CAAP1: variants seen among roughly 807,000 people sequenced by gnomAD.
CAAP1 encodes the protein caspase activity and apoptosis inhibitor 1, also known as conserved anti-apoptotic protein.
Under a neutral mutation model 34.0 loss-of-function variants are expected in CAAP1, and 20 were observed. That is an observed-to-expected ratio of 0.59 (90% CI 0.41 to 0.86). The LOEUF (loss-of-function observed/expected upper bound fraction) is 0.86. CAAP1 is among the 40% of genes least tolerant of loss of function. The pLI, the probability that CAAP1 is intolerant of heterozygous loss-of-function variation, is 0.00. For synonymous variants in CAAP1, 213 were observed against 166.7 expected, an observed-to-expected ratio of 1.28 and a Z score of -2.14; for missense variants, 538 against 450.5, an observed-to-expected ratio of 1.19 and a Z score of -1.76.
chr9:26,848,742 G>T (rs1172420647), intron 5 of CAAP1, among the ~76,000 whole-genome samples: 1 of 152,102 alleles, frequency 6.6e-6, no homozygotes, highest in Non-Finnish European at 1.5e-5. Context: ...TATATTAGGA[G>T]TATATTACTT....
intron 4 of CAAP1, among the ~76,000 whole-genome samples, chr9:26,867,260 C>T (rs1823162305): frequency 6.6e-6 from 1 of 152,080 alleles, no homozygotes; most frequent in Non-Finnish European, 1.5e-5. Context: ...GCCTTAAGGC[C>T]CTTTCTTCTA....
intron 4 of CAAP1, among the ~76,000 whole-genome samples, chr9:26,868,803 G>C (rs1284098898): frequency 3.9e-5 from 6 of 152,120 alleles, no homozygotes; most frequent in African/African-American, 1.4e-4. Flanking sequence ...AGAGACAATA[G>C]GAAGGTGGAC....
At chr9:26,892,132 C>T (rs1426211957) in intron 1 of CAAP1, 4 of 726,126 alleles carry the variant, frequency 5.5e-6, no homozygotes, top group South Asian at 2.0e-5. Context: ...CGTATTCTTC[C>T]GGCAGAGTGA....
chr9:26,844,317 A>G (rs1217432111), intron 5 of CAAP1, among the ~76,000 whole-genome samples: 2 of 152,180 alleles, frequency 1.3e-5, no homozygotes. Flanking sequence ...AGATCGTGCC[A>G]TTGCACTCCA....
chr9:26,844,845 C>T (rs7032756), intron 5 of CAAP1, among the ~76,000 whole-genome samples: 43,732 of 152,034 alleles, frequency 0.29, 7,676 homozygotes, highest in East Asian at 0.74. Context: ...CTTTCAGGAA[C>T]TTTTTTTATT....
At chr9:26,889,639 G>C (rs1823848123) in intron 1 of CAAP1, among the ~76,000 whole-genome samples, 1 of 151,510 alleles carries the variant, frequency 6.6e-6, no homozygotes, top group South Asian at 2.1e-4. Flanking sequence ...AGGCTGAGGG[G>C]GGCAGATAAC....
intron 4 of CAAP1, among the ~76,000 whole-genome samples, chr9:26,863,056 G>A (rs539735898): frequency 6.6e-6 from 1 of 152,064 alleles, no homozygotes; most frequent in South Asian, 2.1e-4. Context: ...AAGTCTGAAA[G>A]TATTTCCAAA....
At chr9:26,892,249 T>C in intron 1 of CAAP1, 164 bp downstream of exon 1, 2 of 1,502,698 alleles carry the variant, frequency 1.3e-6, no homozygotes. Flanking sequence ...GATGGGAGTG[T>C]GGGGCTCACC....
At chr9:26,883,875 G>A (rs145390471) in intron 4 of CAAP1, among the ~76,000 whole-genome samples, 5 of 152,160 alleles carry the variant, frequency 3.3e-5, no homozygotes, top group East Asian at 1.9e-4. Flanking sequence ...TTGCAGGAAC[G>A]CCAATAGTAA....
chr9:26,849,126 A>T (rs1040831029), intron 5 of CAAP1, among the ~76,000 whole-genome samples: 6 of 152,244 alleles, frequency 3.9e-5, no homozygotes. Context: ...TACAGGCTAG[A>T]CGACAGTGTA....
At chr9:26,860,709 G>A (rs965279501) in intron 5 of CAAP1, among the ~76,000 whole-genome samples, 2 of 150,664 alleles carry the variant, frequency 1.3e-5, no homozygotes, top group African/African-American at 5.0e-5. Flanking sequence ...GGAGAATGGC[G>A]TGAACCGGGA....
chr9:26,842,004 C>A lies in CAAP1; in HGVS notation c.*297G>T. On this transcript the variant is annotated 3_prime_UTR_variant, in exon 6 of 6. Coordinates refer to ENST00000333916, the MANE Select transcript of CAAP1 (RefSeq NM_024828.4). ...CATTTAAAAATAAAGAAAAAAATAC[C>A]ACGACTCTTTGCTAATGGCTTTTAA... 4.5e-6 allele frequency: 1 copy of A among 220,234 alleles called. No homozygotes were observed. Among genetic ancestry groups the A allele is most frequent in the Non-Finnish European group, 8.8e-6 (1 of 113,880 alleles). The allele number at this position is 220,234 out of a possible 1,614,324, so 13.6% of individuals were successfully genotyped here.
At chr9:26,877,079 G>A (rs186477892) in intron 4 of CAAP1, among the ~76,000 whole-genome samples, 1 of 152,276 alleles carries the variant, frequency 6.6e-6, no homozygotes, top group Admixed American at 6.5e-5. Flanking sequence ...GAGCCCAGGA[G>A]TTTGAGGCTA....
At position 26,884,795 on chromosome 9, in the gene CAAP1, A is replaced by G. The variant is rs1008337111; in HGVS notation, c.665+15T>C. ...AAAGAAATTTTGAAATAAAAATGAA[A>G]GTTTTTAAACTTACTGACTGACTAA... On this transcript the variant is annotated intron_variant, in intron 4 of 5. Transcript: ENST00000333916. The G allele has an allele frequency of 2.5e-6, 4 of 1,575,834 alleles. No homozygotes were observed. Among genetic ancestry groups the G allele is most frequent in the African/African-American group, 2.7e-5 (2 of 73,786 alleles).
At chr9:26,847,415 C>T (rs1483452118) in intron 5 of CAAP1, among the ~76,000 whole-genome samples, 2 of 151,578 alleles carry the variant, frequency 1.3e-5, no homozygotes, top group South Asian at 4.2e-4. Flanking sequence ...GGGGTTTCAC[C>T]GTGTTAGCCA....
chr9:26,869,588 T>C (rs536668572), intron 4 of CAAP1, among the ~76,000 whole-genome samples: 2 of 152,364 alleles, frequency 1.3e-5, no homozygotes, highest in Non-Finnish European at 2.9e-5. Flanking sequence ...AGTACAACTT[T>C]TCAGCAACCC....
At position 26,892,741 on chromosome 9, in the gene CAAP1, GA is replaced by G; in HGVS notation, c.-27del. ...GATCCCTCTGCTGCAACCATCGGAGGAAAGTCCGCTGTCTCTGGTGCGACCG... is the reference window on the plus strand; with the variant it reads ...GATCCCTCTGCTGCAACCATCGGAGGAAGTCCGCTGTCTCTGGTGCGACCG... On this transcript the variant is annotated 5_prime_UTR_variant, in exon 1 of 6. Coordinates refer to ENST00000333916, the MANE Select transcript of CAAP1 (RefSeq NM_024828.4). 2 of 1,556,028 alleles carry G rather than the reference GA, an allele frequency of 1.3e-6. No homozygotes were observed. The highest frequency in any genetic ancestry group is 2.4e-5 in the South Asian group (2 of 84,766).
chr9:26,861,205 T>A lies in CAAP1; in HGVS notation c.666-66A>T, dbSNP rs188958232. On this transcript the variant is annotated intron_variant, in intron 4 of 5. Coordinates refer to ENST00000333916, the MANE Select transcript of CAAP1 (RefSeq NM_024828.4). ...AATCACATAATATTTACTACCCAGG[T>A]TCCCAGAATTAAGTTAGGCACTAGG... The A allele has an allele frequency of 6.4e-5, 76 of 1,193,594 alleles. No individual in the cohort carries two copies. The Middle Eastern group carries it at 1.0e-3, about 16-fold the overall frequency. 73.9% of individuals were successfully genotyped at this position (1,193,594 alleles called of 1,614,324 possible).
intron 5 of CAAP1, among the ~76,000 whole-genome samples, chr9:26,850,651 A>G (rs1313556517): frequency 6.6e-6 from 1 of 152,250 alleles, no homozygotes; most frequent in Non-Finnish European, 1.5e-5. Flanking sequence ...CTATTGTACA[A>G]GTCACTTAAC....
Sources: allele counts gnomAD v4.1 joint callset (sites outside exome capture counted in the v4.1 genomes callset), GRCh38; gene constraint gnomAD v4.1.1; transcripts MANE v1.5; gene names NCBI Gene and HGNC (gene_info 2026-07-23, HGNC 2026-07-21).